The following PHF2 variants were observed in gnomAD, a reference collection of about 807,000 sequenced individuals.
PHF2 encodes the protein lysine-specific demethylase PHF2.
A neutral mutation model predicts 120.5 loss-of-function variants in PHF2; 27 were observed. That is an observed-to-expected ratio of 0.22 (90% CI 0.17 to 0.31). The LOEUF is 0.31. PHF2 is among the 10% of genes least tolerant of loss of function. The pLI, the probability that PHF2 is intolerant of heterozygous loss-of-function variation, is 1.00. For missense variants in PHF2, 1,024 were observed against 1,434.8 expected (o/e 0.71, Z 4.63); for synonymous variants, 568 against 592.5 (o/e 0.96, Z 0.60).
chr9:93,671,815 T>G (rs1255621665), intron 17 of PHF2, among the ~76,000 whole-genome samples: 1 of 115,232 alleles, frequency 8.7e-6, no homozygotes, highest in Non-Finnish European at 1.8e-5. Flanking sequence ...TGGATGTAGG[T>G]ACAGGTGTAG....
intron 1 of PHF2, among the ~76,000 whole-genome samples, chr9:93,621,606 C>T (rs946168072): frequency 1.3e-5 from 2 of 152,198 alleles, no homozygotes; most frequent in Non-Finnish European, 2.9e-5. Flanking sequence ...CAGGTGGGCA[C>T]GTTATGGAGG....
chr9:93,673,936 C>A (rs1308967470), intron 18 of PHF2, 74 bp downstream of exon 18: 2 of 1,436,250 alleles, frequency 1.4e-6, no homozygotes, highest in Non-Finnish European at 1.9e-6. Context: ...GAGACAGTAG[C>A]ATAAACATGC....
intron 6 of PHF2, among the ~76,000 whole-genome samples, chr9:93,653,705 C>T (rs551694223): frequency 1.2e-4 from 18 of 149,616 alleles, no homozygotes; most frequent in African/African-American, 4.1e-4. Flanking sequence ...GGGCCCCGCA[C>T]AGGAGCCAGG....
At chr9:93,612,908 G>C (rs1356990300) in intron 1 of PHF2, among the ~76,000 whole-genome samples, 1 of 152,204 alleles carries the variant, frequency 6.6e-6, no homozygotes, top group Non-Finnish European at 1.5e-5. Context: ...GCTCTTGTTT[G>C]CTCACAGATG....
chr9:93,673,541 G>T (rs1826847880), intron 17 of PHF2, 44 bp from the exon 18 acceptor site: 2 of 1,505,516 alleles, frequency 1.3e-6, no homozygotes, highest in South Asian at 1.3e-5. Flanking sequence ...CTGGGCTGCA[G>T]GCCAAGAGCA....
rs761382702 is a variant in PHF2, at chr9:93,677,576, C to T, written c.3203-12C>T. On this transcript the variant is annotated splice_polypyrimidine_tract_variant and intron_variant, in intron 21 of 21. Transcript: ENST00000359246. The surrounding 1 kb of genome is among the most constrained non-coding windows in gnomAD (Gnocchi z 4.4). ...ACCTTCCCTTTTTGTGTCCCCTCCC[C>T]GACTCCCCTAGGAAAACGTACGAAA... 17 of 1,611,522 alleles carry T rather than the reference C, an allele frequency of 1.1e-5. No homozygotes were observed. The highest frequency in any genetic ancestry group is 1.7e-5 in the Admixed American group (1 of 59,808).
At chr9:93,660,779 C>T (rs1826552106) in intron 12 of PHF2, among the ~76,000 whole-genome samples, 1 of 152,148 alleles carries the variant, frequency 6.6e-6, no homozygotes, top group African/African-American at 2.4e-5. Context: ...AGGCCCAGAC[C>T]CCCCAGAGTG....
At chr9:93,604,603 T>C (rs1825505691) in intron 1 of PHF2, among the ~76,000 whole-genome samples, 1 of 151,998 alleles carries the variant, frequency 6.6e-6, no homozygotes, top group Non-Finnish European at 1.5e-5. Flanking sequence ...TAATTGGGAC[T>C]ACAGGCGCCC....
chr9:93,623,474 T>C (rs1452316773), intron 1 of PHF2, among the ~76,000 whole-genome samples: 1 of 152,238 alleles, frequency 6.6e-6, no homozygotes, highest in African/African-American at 2.4e-5. Context: ...CATAGTGCTA[T>C]GCCCTGGTCC....
chr9:93,667,363 CT>C, intron 17 of PHF2, 123 bp downstream of exon 17: 2 of 1,158,240 alleles, frequency 1.7e-6, no homozygotes, highest in South Asian at 1.5e-5. Context: ...TGAGCCGCCC[CT>C]GGGCCTGGGC....
At chr9:93,670,995 G>GTGCAGA in intron 17 of PHF2, 1 of 984,952 alleles carries the variant, frequency 1.0e-6, no homozygotes, top group Non-Finnish European at 1.2e-6. Flanking sequence ...GTCTGTTCAG[G>GTGCAGA]TGCAGATGCA....
intron 4 of PHF2, among the ~76,000 whole-genome samples, chr9:93,648,847 C>T (rs567361144): frequency 4.4e-4 from 67 of 152,114 alleles, no homozygotes; most frequent in South Asian, 3.5e-3. Flanking sequence ...GTGACCTGGC[C>T]GCCTCACAGC....
At chr9:93,648,912 A>C (rs1826307745) in intron 4 of PHF2, among the ~76,000 whole-genome samples, 159 bp from the exon 5 acceptor site, 1 of 151,932 alleles carries the variant, frequency 6.6e-6, no homozygotes, top group African/African-American at 2.4e-5. Flanking sequence ...CAGGCAGGTG[A>C]AGCTCGACGT....
At chr9:93,645,600 T>C (rs1220837162) in intron 3 of PHF2, 29 bp from the exon 4 acceptor site, 7 of 1,535,674 alleles carry the variant, frequency 4.6e-6, no homozygotes, top group Non-Finnish European at 6.2e-6. Flanking sequence ...TCGGGCCCAA[T>C]GTGGCCTCTG....
rs144697147 is a variant in PHF2 at position 93,636,599 on chromosome 9, A to G, written c.299+74A>G. 197 of 1,091,816 alleles carry G rather than the reference A, an allele frequency of 1.8e-4. 1 individual carries two copies. In the African/African-American group the frequency reaches 2.8e-3, roughly 16 times the overall value. 67.6% of individuals were successfully genotyped at this position (1,091,816 alleles called of 1,614,324 possible). On this transcript the variant is annotated intron_variant, in intron 3 of 21. Coordinates refer to ENST00000359246, the MANE Select transcript of PHF2 (RefSeq NM_005392.4). Reference sequence around the variant, plus strand: ...CACTCTCTCCGTCCCTTGTCCCGCTATCCATTGCTGGGGGCTTCCTTTGCT... The same window carrying G: ...CACTCTCTCCGTCCCTTGTCCCGCTGTCCATTGCTGGGGGCTTCCTTTGCT...
chr9:93,630,167 G>A lies in PHF2; in HGVS notation c.184+112G>A, dbSNP rs138958534. 462 of 1,038,494 alleles carry A rather than the reference G, an allele frequency of 4.4e-4. 2 individuals carry two copies. The African/African-American group carries it at 6.3e-3, about 14-fold the overall frequency. 64.3% of individuals were successfully genotyped at this position (1,038,494 alleles called of 1,614,324 possible). ...TGGGCCTGGGCCCTGGGTTGCTGGG[G>A]GCAAAACGCCCTGAGTAGTGTCTAG... On this transcript the variant is annotated intron_variant, in intron 2 of 21. Transcript: ENST00000359246.
At chr9:93,597,695 G>A (rs1033483594) in intron 1 of PHF2, among the ~76,000 whole-genome samples, 4 of 152,110 alleles carry the variant, frequency 2.6e-5, no homozygotes, top group Non-Finnish European at 5.9e-5. Context: ...TCATCCCCAT[G>A]AGGCTGGAAC....
At position 93,675,752 on chromosome 9, in the gene PHF2, C is replaced by G; in HGVS notation, c.2795C>G (p.Thr932Ser). Residue 932 changes from threonine (T) to serine (S), a missense_variant, in exon 20 of 22, where the codon ACC becomes AGC. This residue lies in a region of PHF2 where 677 missense variants were observed against 857.4 expected (regional missense o/e 0.79). Transcript: ENST00000359246. The stretch of plus-strand genomic sequence containing the variant: ...GGTACACGGGTGGCTTCCATCGAGA[C>G]CGGGCTGGCGGCTGCTGCAGCTAAG... ...REGTRVASIE[T>S]GLAAAAAKLS... is the part of the protein sequence containing the mutation. The G allele has an allele frequency of 6.2e-7, 1 of 1,612,650 alleles. No individual in the cohort carries two copies. Among genetic ancestry groups the G allele is most frequent in the East Asian group, 2.2e-5 (1 of 44,868 alleles).
intron 1 of PHF2, among the ~76,000 whole-genome samples, chr9:93,615,104 AGATGGT>A (rs1222525727): frequency 8.5e-5 from 11 of 129,676 alleles, no homozygotes; most frequent in African/African-American, 2.1e-4. Flanking sequence ...ATGGTAATAA[AGATGGT>A]GATGGTGATG....
Sources: allele counts gnomAD v4.1 joint callset (sites outside exome capture counted in the v4.1 genomes callset), GRCh38; gene constraint gnomAD v4.1.1; regional missense constraint gnomAD v4.1.1; non-coding constraint Gnocchi (gnomAD v3.1); transcripts MANE v1.5; gene names NCBI Gene and HGNC (gene_info 2026-07-23, HGNC 2026-07-21).